DENND11: variants seen among roughly 807,000 people sequenced by gnomAD.
The protein encoded by DENND11 is DENN domain-containing protein 11.
In DENND11, 34 loss-of-function variants were observed where a neutral mutation model predicts 49.2. The observed-to-expected ratio is 0.69, with a 90% confidence interval of 0.53 to 0.92. The LOEUF (loss-of-function observed/expected upper bound fraction) is 0.92, where lower values mean the gene tolerates loss of function less well. DENND11 is among the 40% of genes least tolerant of loss of function. The probability of loss-of-function intolerance (pLI) is 0.00; values close to 1 mark genes in which losing one functional copy is unlikely to be tolerated. For synonymous variants in DENND11, 238 were observed against 230.3 expected (o/e 1.03, Z -0.30); for missense variants, 475 against 581.6 (o/e 0.82, Z 1.88).
chr7:141,701,130 A>AC lies in DENND11; in HGVS notation c.268+755dup, dbSNP rs563871637. On this transcript the variant is annotated intron_variant, in intron 1 of 8. Coordinates refer to ENST00000536163, the MANE Select transcript of DENND11 (RefSeq NM_001080392.2). ...GTGGACTCTCACCTGGAAAACGCAC[A>AC]CCCCCCTGCCGGGTGGTTAGGCTAA... Among the ~76,000 whole-genome samples, 69 of 151,532 alleles carry AC rather than the reference A, an allele frequency of 4.6e-4. No homozygotes were observed. In the Middle Eastern group the frequency reaches 0.017, roughly 37 times the overall value.
intron 7 of DENND11, 29 bp downstream of exon 7, chr7:141,664,875 C>T (rs1277542589): frequency 6.3e-7 from 1 of 1,594,834 alleles, no homozygotes; most frequent in African/African-American, 1.3e-5. Context: ...GAGGGTGGAG[C>T]CCCTGGTTCT....
intron 3 of DENND11, 99 bp downstream of exon 3, chr7:141,685,379 T>A (rs911199786): frequency 5.6e-6 from 8 of 1,423,868 alleles, no homozygotes; most frequent in Middle Eastern, 1.9e-4. Flanking sequence ...GAAAGACATC[T>A]GCTGCTCTGG....
chr7:141,671,918 G>A (rs752851051), intron 4 of DENND11, among the ~76,000 whole-genome samples: 2 of 152,202 alleles, frequency 1.3e-5, no homozygotes, highest in African/African-American at 2.4e-5. Context: ...AAACTCATAC[G>A]CCAATTGGCT....
intron 1 of DENND11, among the ~76,000 whole-genome samples, chr7:141,696,598 C>T (rs542921674): frequency 7.9e-5 from 12 of 152,302 alleles, no homozygotes; most frequent in East Asian, 5.8e-4. Flanking sequence ...CACCCCAGCA[C>T]GTGCCTGAGG....
At chr7:141,663,271 ATGACT>A (rs1562994152) in intron 8 of DENND11, 1 of 165,528 alleles carries the variant, frequency 6.0e-6, no homozygotes, top group East Asian at 1.8e-4. Context: ...CTCTCCCTTG[ATGACT>A]CTTTGGGAGG....
intron 1 of DENND11, among the ~76,000 whole-genome samples, chr7:141,690,015 G>A (rs1406430878): frequency 6.6e-6 from 1 of 152,202 alleles, no homozygotes; most frequent in Admixed American, 6.5e-5. Flanking sequence ...GCATTGTAAT[G>A]CATTGACCTG....
chr7:141,686,681 G>A lies in DENND11; in HGVS notation c.269-23C>T, dbSNP rs758459218. 5 of 1,548,078 alleles carry A rather than the reference G, an allele frequency of 3.2e-6. No individual in the cohort carries two copies. The Admixed American group carries it at 8.7e-5, about 27-fold the overall frequency. On this transcript the variant is annotated intron_variant, in intron 1 of 8. Coordinates refer to ENST00000536163, the MANE Select transcript of DENND11 (RefSeq NM_001080392.2). ...TTCCTGCAGGAAAAGGAAGATGCAA[G>A]TTAAAAGAAACAACATCATTCAAAG...
At chr7:141,690,470 T>C (rs1563004243) in intron 1 of DENND11, among the ~76,000 whole-genome samples, 1 of 152,154 alleles carries the variant, frequency 6.6e-6, no homozygotes, top group Admixed American at 6.5e-5. Flanking sequence ...AACTCCAACA[T>C]CAGATACAAA....
chr7:141,676,176 T>A (rs1330859505), intron 3 of DENND11, among the ~76,000 whole-genome samples: 2 of 152,220 alleles, frequency 1.3e-5, no homozygotes, highest in African/African-American at 4.8e-5. Context: ...GAGAATCATT[T>A]TATCATATTT....
At chr7:141,679,923 T>G (rs1423353785) in intron 3 of DENND11, among the ~76,000 whole-genome samples, 2 of 152,232 alleles carry the variant, frequency 1.3e-5, no homozygotes, top group African/African-American at 2.4e-5. Flanking sequence ...CATTTTGTGT[T>G]GGCAACGTTG....
At position 141,689,908 on chromosome 7, in the gene DENND11, G is replaced by C. The variant is rs144685953; in HGVS notation, c.269-3250C>G. Among the ~76,000 whole-genome samples the C allele has an allele frequency of 8.6e-3, 1,307 of 152,300 alleles. 12 individuals carry two copies. The highest frequency in any genetic ancestry group is 0.013 in the Non-Finnish European group (896 of 68,028). ...ATGTAGCAGTTTACCTGCTTAACTGGTGATGCACATTTAGGTTACTTCCAA... is the reference window on the plus strand; with the variant it reads ...ATGTAGCAGTTTACCTGCTTAACTGCTGATGCACATTTAGGTTACTTCCAA... On this transcript the variant is annotated intron_variant, in intron 1 of 8. Coordinates refer to ENST00000536163, the MANE Select transcript of DENND11 (RefSeq NM_001080392.2).
intron 1 of DENND11, among the ~76,000 whole-genome samples, chr7:141,691,677 A>G (rs1335432801): frequency 6.6e-6 from 1 of 152,208 alleles, no homozygotes; most frequent in East Asian, 1.9e-4. Context: ...AGGCTCCAGA[A>G]CACCACTCTG....
chr7:141,672,925 T>C (rs1044285410), intron 4 of DENND11, among the ~76,000 whole-genome samples: 6 of 152,336 alleles, frequency 3.9e-5, no homozygotes, highest in South Asian at 2.1e-4. Context: ...TTGGTACTTA[T>C]TAGGATTCAA....
intron 4 of DENND11, among the ~76,000 whole-genome samples, chr7:141,670,785 T>C (rs1355683301): frequency 6.6e-6 from 1 of 152,224 alleles, no homozygotes; most frequent in African/African-American, 2.4e-5. Flanking sequence ...TGACTTACAA[T>C]GTTTTCAACT....
chr7:141,666,837 C>T (rs907658157), intron 4 of DENND11, among the ~76,000 whole-genome samples: 2 of 152,216 alleles, frequency 1.3e-5, no homozygotes, highest in Non-Finnish European at 2.9e-5. Context: ...ATGGGGGCTG[C>T]TACTGTGCAA....
At position 141,662,362 on chromosome 7, in the gene DENND11, C is replaced by T. The variant is rs1797811758; in HGVS notation, c.*294G>A. 1 of 342,166 alleles carries T rather than the reference C, an allele frequency of 2.9e-6. No individual in the cohort carries two copies. Among genetic ancestry groups the T allele is most frequent in the Admixed American group, 4.8e-5 (1 of 20,828 alleles). The allele number at this position is 342,166 out of a possible 1,614,324, so 21.2% of individuals were successfully genotyped here. On this transcript the variant is annotated 3_prime_UTR_variant, in exon 9 of 9. Transcript: ENST00000536163. The stretch of plus-strand genomic sequence containing the variant: ...ACAGTCCATCCCAATGTTTCCAGAG[C>T]TCAGCCTACTCCTAGTGATACAACT...
chr7:141,675,396 C>T (rs1037315244), intron 3 of DENND11, among the ~76,000 whole-genome samples: 2 of 152,184 alleles, frequency 1.3e-5, no homozygotes, highest in African/African-American at 2.4e-5. Context: ...TCAGTTTTGG[C>T]ACTTTGTTAT....
Position 141,661,038 on chromosome 7 carries a change from T to C in DENND11, c.*1618A>G, listed in dbSNP as rs1184723760. ...ATTTCTTCAGTTTTGATATTCCATATGAAGGAGCTACAGTGAAAACACTTT... is the reference window on the plus strand; with the variant it reads ...ATTTCTTCAGTTTTGATATTCCATACGAAGGAGCTACAGTGAAAACACTTT... On this transcript the variant is annotated 3_prime_UTR_variant, in exon 9 of 9. Coordinates refer to ENST00000536163, the MANE Select transcript of DENND11 (RefSeq NM_001080392.2). The C allele has an allele frequency of 6.6e-6, 1 of 152,226 alleles. No homozygotes were observed. The highest frequency in any genetic ancestry group is 1.9e-4 in the East Asian group (1 of 5,200). 9.4% of individuals were successfully genotyped at this position (152,226 alleles called of 1,614,324 possible).
At chr7:141,680,756 C>G (rs1366051510) in intron 3 of DENND11, among the ~76,000 whole-genome samples, 1 of 151,952 alleles carries the variant, frequency 6.6e-6, no homozygotes, top group Non-Finnish European at 1.5e-5. Context: ...GGGGAGACAG[C>G]TTCTACCATG....
Sources: allele counts gnomAD v4.1 joint callset (sites outside exome capture counted in the v4.1 genomes callset), GRCh38; gene constraint gnomAD v4.1.1; transcripts MANE v1.5; gene names NCBI Gene and HGNC (gene_info 2026-07-23, HGNC 2026-07-21).